Variants in LPIN1 observed in about 807,000 individuals in gnomAD.
LPIN1 encodes phosphatidate phosphatase LPIN1.
In LPIN1, 71 loss-of-function variants were observed where a neutral mutation model predicts 107.5. That is an observed-to-expected ratio of 0.66 (90% CI 0.55 to 0.80). LPIN1 has a LOEUF of 0.80. Ranked by LOEUF, LPIN1 falls within the 30% of genes least tolerant of loss-of-function variation. The pLI, the probability that LPIN1 is intolerant of heterozygous loss-of-function variation, is 0.00. For missense variants in LPIN1, 1,043 were observed against 1,160.6 expected, an observed-to-expected ratio of 0.90 and a Z score of 1.47; for synonymous variants, 445 against 452.6, an observed-to-expected ratio of 0.98 and a Z score of 0.21.
Position 11,765,342 on chromosome 2 carries a change from G to GTGATGGGCCC in LPIN1, c.-9-174_-9-165dup, listed in dbSNP as rs1475618777. Among the ~76,000 whole-genome samples the GTGATGGGCCC allele has an allele frequency of 1.3e-5, 2 of 152,034 alleles. No individual in the cohort carries two copies. Among genetic ancestry groups the GTGATGGGCCC allele is most frequent in the Admixed American group, 6.5e-5 (1 of 15,284 alleles). The stretch of plus-strand genomic sequence containing the variant: ...GGGCCATGATGGACACTGATGGGCC[G>GTGATGGGCCC]TGATGGGCCCTGATGGGCCCTGATG... On this transcript the variant is annotated intron_variant, in intron 1 of 20. Transcript: ENST00000674199. The surrounding 1 kb of genome is among the most constrained non-coding windows in gnomAD (Gnocchi z 4.4).
intron 9 of LPIN1, chr2:11,784,416 C>T: frequency 9.0e-7 from 1 of 1,117,218 alleles, no homozygotes. Context: ...CGGCGCCCCA[C>T]CTCTGGACAG....
chr2:11,746,964 T>C (rs1273468338), intron 1 of LPIN1, among the ~76,000 whole-genome samples: 1 of 152,156 alleles, frequency 6.6e-6, no homozygotes, highest in African/African-American at 2.4e-5. Context: ...TTGGCTGATC[T>C]CGAGCGGCGT....
At chr2:11,791,377 C>T (rs1675690938) in intron 12 of LPIN1, among the ~76,000 whole-genome samples, 1 of 152,124 alleles carries the variant, frequency 6.6e-6, no homozygotes. Flanking sequence ...AACCCATTTA[C>T]CTAAAAGTAT....
At chr2:11,823,222 G>C (rs1265043651) in intron 20 of LPIN1, 1 of 152,374 alleles carries the variant, frequency 6.6e-6, no homozygotes, top group Non-Finnish European at 1.5e-5. Context: ...TGTGGAGGTC[G>C]GTCTGGGGGA....
At chr2:11,810,384 CG>C (rs1679444454) in intron 17 of LPIN1, among the ~76,000 whole-genome samples, 4 of 148,290 alleles carry the variant, frequency 2.7e-5, no homozygotes, top group Admixed American at 1.3e-4. Flanking sequence ...GAAGTAGGAG[CG>C]AGAGGGGAGG....
At chr2:11,698,978 G>A (rs74723299) in intron 1 of LPIN1, among the ~76,000 whole-genome samples, 5,508 of 152,308 alleles carry the variant, frequency 0.036, 350 homozygotes, top group African/African-American at 0.12. Context: ...TCCGCTGGCC[G>A]TATGCAGCCA....
chr2:11,709,044 C>T (rs1663272572), intron 1 of LPIN1, among the ~76,000 whole-genome samples: 1 of 152,046 alleles, frequency 6.6e-6, no homozygotes, highest in South Asian at 2.1e-4. Flanking sequence ...AGCATTCTAC[C>T]CTAGATCATT....
intron 17 of LPIN1, among the ~76,000 whole-genome samples, chr2:11,812,232 G>A (rs1389559305): frequency 6.6e-6 from 1 of 152,190 alleles, no homozygotes; most frequent in Non-Finnish European, 1.5e-5. Context: ...TTCACTAAAT[G>A]TCTGCTACAT....
chr2:11,819,632 A>T (rs757409932), intron 19 of LPIN1, 34 bp downstream of exon 19: 8 of 1,439,864 alleles, frequency 5.6e-6, no homozygotes, highest in Non-Finnish European at 7.8e-6. Flanking sequence ...AGAACCCTTG[A>T]AATGACTGCC....
chr2:11,817,887 A>G (rs1045652522), intron 18 of LPIN1: 1 of 141,130 alleles, frequency 7.1e-6, no homozygotes, highest in Non-Finnish European at 1.5e-5. Context: ...GAGCCGAGAT[A>G]GCGCCACTGC....
intron 1 of LPIN1, among the ~76,000 whole-genome samples, chr2:11,701,481 C>T (rs1310562225): frequency 3.9e-5 from 6 of 152,120 alleles, no homozygotes; most frequent in Admixed American, 3.3e-4. Flanking sequence ...CTTGTCACAG[C>T]GCCGGCCCAG....
chr2:11,790,932 A>G (rs1675611349), intron 12 of LPIN1, among the ~76,000 whole-genome samples: 1 of 152,120 alleles, frequency 6.6e-6, no homozygotes, highest in African/African-American at 2.4e-5. Flanking sequence ...TTTGTGAAGG[A>G]CTGAAAATAC....
chr2:11,791,776 C>A lies in LPIN1; in HGVS notation c.1714-138C>A, dbSNP rs546867021. 6.7e-6 allele frequency: 10 copies of A among 1,489,042 alleles called. 1 individual carries two copies. The South Asian group carries it at 9.8e-5, about 15-fold the overall frequency. The allele number at this position is 1,489,042 out of a possible 1,614,324, so 92.2% of individuals were successfully genotyped here. A position where few individuals can be genotyped will look rare whatever the true frequency, so the allele number is the denominator to read the frequency against. ...GGTTTTGCTTCTCTAAAATTTTTAA[C>A]GCACAAATAGTATGTTGTGTTTTCT... is the stretch of plus-strand genomic sequence containing the variant. On this transcript the variant is annotated intron_variant, in intron 12 of 20. Coordinates refer to ENST00000674199, the MANE Select transcript of LPIN1 (RefSeq NM_001349206.2).
chr2:11,712,293 G>A (rs1663467852), intron 1 of LPIN1, among the ~76,000 whole-genome samples: 1 of 152,214 alleles, frequency 6.6e-6, no homozygotes, highest in Non-Finnish European at 1.5e-5. Flanking sequence ...CTCTCCCAGA[G>A]TTCCCACTCA....
chr2:11,820,393 C>T lies in LPIN1; in HGVS notation c.2518-18C>T. 1 of 1,493,176 alleles carries T rather than the reference C, an allele frequency of 6.7e-7. No homozygotes were observed. Among genetic ancestry groups the T allele is most frequent in the South Asian group, 1.1e-5 (1 of 88,646 alleles). The allele number at this position is 1,493,176 out of a possible 1,614,324, so 92.5% of individuals were successfully genotyped here. A position where few individuals can be genotyped will look rare whatever the true frequency, so the allele number is the denominator to read the frequency against. On this transcript the variant is annotated intron_variant, in intron 19 of 20. Transcript: ENST00000674199. Reference sequence around the variant, plus strand: ...CTCTTTTCTAATGAACACTTTAAATCACCTTTACCAAATATAGGATGTGTA... The same window carrying T: ...CTCTTTTCTAATGAACACTTTAAATTACCTTTACCAAATATAGGATGTGTA...
intron 13 of LPIN1, among the ~76,000 whole-genome samples, chr2:11,793,732 TC>T (rs1321966399): frequency 6.6e-6 from 1 of 152,230 alleles, no homozygotes; most frequent in Non-Finnish European, 1.5e-5. Context: ...TGGTCTGCTG[TC>T]CTCTGCCTGT....
chr2:11,765,689 G>C lies in LPIN1; in HGVS notation c.148G>C (p.Val50Leu). 1 of 1,613,248 alleles carries C rather than the reference G, an allele frequency of 6.2e-7. No homozygotes were observed. Among genetic ancestry groups the C allele is most frequent in the Non-Finnish European group, 8.5e-7 (1 of 1,179,358 alleles). ...NGNLQCSPFH[V>L]RFGKMGVLRS... ...AAACCTCCAATGCTCCCCTTTCCACGTCCGCTTTGGGAAGATGGGGGTCCT... is the reference window on the plus strand; with the variant it reads ...AAACCTCCAATGCTCCCCTTTCCACCTCCGCTTTGGGAAGATGGGGGTCCT... Residue 50 changes from valine (V) to leucine (L), a missense_variant, in exon 2 of 21, where the codon GTC becomes CTC. Val to Leu is a conservative substitution (Grantham distance 32, BLOSUM62 1). Transcript: ENST00000674199. The surrounding 1 kb of genome is among the most constrained non-coding windows in gnomAD (Gnocchi z 4.4).
At chr2:11,693,770 A>ATGTG (rs201833333) in intron 1 of LPIN1, among the ~76,000 whole-genome samples, 37 of 115,150 alleles carry the variant, frequency 3.2e-4, no homozygotes, top group South Asian at 8.9e-4. Context: ...AGAGCCATAT[A>ATGTG]TGTGTGTGTG....
chr2:11,820,625 G>A (rs1681346535), intron 20 of LPIN1, 111 bp downstream of exon 20: 2 of 728,340 alleles, frequency 2.7e-6, no homozygotes, highest in Non-Finnish European at 4.8e-6. Flanking sequence ...ATGTTAATCT[G>A]TAATTCTTAT....
Sources: gnomAD v4.1 joint callset for allele counts (sites outside exome capture counted in the v4.1 genomes callset) on GRCh38, gnomAD v4.1.1 for gene constraint, Gnocchi (gnomAD v3.1) non-coding constraint, MANE v1.5 for transcripts, NCBI Gene and HGNC (gene_info 2026-07-23, HGNC 2026-07-21) for gene names.